Variants in SLC6A13 observed in about 807,000 individuals in gnomAD.
The protein encoded by SLC6A13 is solute carrier family 6 member 13.
In SLC6A13, 69 loss-of-function variants were observed where a neutral mutation model predicts 72.9. The observed-to-expected ratio is 0.95, with a 90% CI of 0.78 to 1.16. SLC6A13 has a LOEUF of 1.16. SLC6A13 is among the 50% of genes most tolerant of loss of function. SLC6A13 has a pLI of 0.00. For synonymous variants in SLC6A13, 303 were observed against 303.0 expected (o/e 1.00, Z 0.00); for missense variants, 735 against 760.5 (o/e 0.97, Z 0.39).
chr12:245,925 G>A (rs964861099), intron 2 of SLC6A13, among the ~76,000 whole-genome samples: 42 of 151,930 alleles, frequency 2.8e-4, no homozygotes, highest in African/African-American at 1.0e-3. Flanking sequence ...AGACCATCCT[G>A]GCTAACACAG....
At chr12:236,238 C>G (rs145352267) in intron 6 of SLC6A13, among the ~76,000 whole-genome samples, 240 of 152,254 alleles carry the variant, frequency 1.6e-3, no homozygotes, top group Admixed American at 3.4e-3. Flanking sequence ...GATCTTTGTA[C>G]CTACTCCCTG....
At chr12:226,705 C>T (rs567849328) in intron 8 of SLC6A13, 191 bp from the exon 9 acceptor site, 86 of 576,326 alleles carry the variant, frequency 1.5e-4, no homozygotes, top group Admixed American at 9.9e-5. Context: ...CGACACTCCT[C>T]GGCCCCACCA....
At chr12:244,980 A>AT (rs140626568) in intron 2 of SLC6A13, among the ~76,000 whole-genome samples, 5,241 of 152,296 alleles carry the variant, frequency 0.034, 183 homozygotes, top group African/African-American at 0.089. Flanking sequence ...ATATACTGGT[A>AT]TTTTCCCTAC....
At position 224,032 on chromosome 12, in the gene SLC6A13, G is replaced by T; in HGVS notation, c.1271C>A (p.Ser424Tyr). ...NRREVLILGV[S>Y]VVSFLVGLIM... ...CAGCCCCACAAGGAAGGAGACGACA[G>T]ATACTCCAAGGATGAGGACTTCCCT... Residue 424 changes from serine to tyrosine, a missense_variant, in exon 11 of 15, where the codon TCT becomes TAT. Transcript: ENST00000343164. 6.2e-7 allele frequency: 1 copy of T among 1,613,722 alleles called. No homozygotes were observed. The highest frequency in any genetic ancestry group is 8.5e-7 in the Non-Finnish European group (1 of 1,179,912).
chr12:240,479 A>T (rs1942124989), intron 4 of SLC6A13, among the ~76,000 whole-genome samples: 1 of 152,252 alleles, frequency 6.6e-6, no homozygotes, highest in African/African-American at 2.4e-5. Context: ...TGCTAGGATT[A>T]CAGGCGTGAG....
chr12:259,640 A>T, intron 2 of SLC6A13: 2 of 1,431,390 alleles, frequency 1.4e-6, no homozygotes, highest in African/African-American at 2.9e-5. Context: ...TATTTCTACG[A>T]TGCCACGTTA....
At chr12:235,298 G>A in intron 6 of SLC6A13, 74 bp from the exon 7 acceptor site, 2 of 1,489,268 alleles carry the variant, frequency 1.3e-6, no homozygotes, top group Non-Finnish European at 1.9e-6. Flanking sequence ...GGGGCAGGAG[G>A]CAGGGGCAAG....
intron 2 of SLC6A13, among the ~76,000 whole-genome samples, chr12:253,089 C>T (rs942976996): frequency 6.6e-6 from 1 of 152,184 alleles, no homozygotes; most frequent in Admixed American, 6.5e-5. Context: ...GTAACCTGCA[C>T]CCCCATATCA....
chr12:241,213 G>A (rs1942153799), intron 4 of SLC6A13, among the ~76,000 whole-genome samples: 1 of 152,174 alleles, frequency 6.6e-6, no homozygotes, highest in South Asian at 2.1e-4. Flanking sequence ...CTGAAGCAGA[G>A]AATTGCTTGA....
intron 1 of SLC6A13, among the ~76,000 whole-genome samples, chr12:262,203 T>C (rs190925110): frequency 4.6e-5 from 7 of 152,266 alleles, no homozygotes; most frequent in African/African-American, 1.4e-4. Context: ...CTTAGCCTCA[T>C]TAGAGCTGCT....
intron 4 of SLC6A13, among the ~76,000 whole-genome samples, chr12:239,793 C>T (rs564860666): frequency 1.9e-4 from 29 of 152,282 alleles, no homozygotes; most frequent in African/African-American, 6.7e-4. Flanking sequence ...GTGCTCTCTC[C>T]ACTAAACCAT....
Position 241,923 on chromosome 12 carries a change from C to A in SLC6A13, c.478+691G>T, listed in dbSNP as rs1324560761. Among the ~76,000 whole-genome samples the A allele has an allele frequency of 2.6e-5, 4 of 152,342 alleles. No homozygotes were observed. In the East Asian group the frequency reaches 7.7e-4, roughly 29 times the overall value. On this transcript the variant is annotated intron_variant, in intron 4 of 14. Transcript: ENST00000343164. ...TTGATTATAAAATACGGCATCTTTA[C>A]TGTACCTTTCCTATGTTGCACTATG...
At chr12:245,037 A>T (rs891997030) in intron 2 of SLC6A13, among the ~76,000 whole-genome samples, 1 of 152,226 alleles carries the variant, frequency 6.6e-6, no homozygotes, top group Non-Finnish European at 1.5e-5. Flanking sequence ...AGTTCATAGG[A>T]CACAGAGTAC....
intron 2 of SLC6A13, among the ~76,000 whole-genome samples, chr12:246,777 G>A (rs138772073): frequency 0.015 from 2,279 of 152,252 alleles, 50 homozygotes; most frequent in African/African-American, 0.052. Flanking sequence ...GGAAGCCGAG[G>A]CAGGTGGATC....
At chr12:256,640 G>A (rs1304320208) in intron 2 of SLC6A13, 6 of 152,154 alleles carry the variant, frequency 3.9e-5, no homozygotes, top group Non-Finnish European at 7.3e-5. Context: ...ACATGTTGAC[G>A]CTGGAAGAAA....
In SLC6A13 at chr12:241,342, A is replaced by G. The variant is rs868342408; in HGVS notation, c.478+1272T>C. ...AAAAAAGATAAAAAAGAAAGAATTA[A>G]TCATGGCTAGCCCACTTCAAAGGGC... On this transcript the variant is annotated intron_variant, in intron 4 of 14. Transcript: ENST00000343164. 5.8e-4 allele frequency among the ~76,000 whole-genome samples: 89 copies of G among 152,230 alleles called. 1 individual carries two copies. The highest frequency in any genetic ancestry group is 2.0e-3 in the African/African-American group (83 of 41,552).
chr12:228,895 C>T (rs1941588904), intron 7 of SLC6A13, among the ~76,000 whole-genome samples: 1 of 152,156 alleles, frequency 6.6e-6, no homozygotes, highest in Non-Finnish European at 1.5e-5. Context: ...CTGGGTGATC[C>T]TAATGGTCAC....
At chr12:253,202 C>T (rs1329416503) in intron 2 of SLC6A13, among the ~76,000 whole-genome samples, 2 of 152,210 alleles carry the variant, frequency 1.3e-5, no homozygotes, top group Middle Eastern at 3.2e-3. Context: ...CTCTTGGCCC[C>T]CCTTCTCAAA....
intron 2 of SLC6A13, among the ~76,000 whole-genome samples, chr12:257,004 C>T (rs1349255926): frequency 6.6e-6 from 1 of 152,136 alleles, no homozygotes; most frequent in Admixed American, 6.5e-5. Flanking sequence ...ACAGGGTCTC[C>T]ATTCTCCCCA....
Sources: allele counts gnomAD v4.1 joint callset (sites outside exome capture counted in the v4.1 genomes callset), GRCh38; gene constraint gnomAD v4.1.1; transcripts MANE v1.5; gene names NCBI Gene and HGNC (gene_info 2026-07-23, HGNC 2026-07-21).